The following RRM2 variants were observed in gnomAD, a reference collection of about 807,000 sequenced individuals.
The protein encoded by RRM2 is ribonucleoside-diphosphate reductase subunit M2.
RRM2 carries 6 observed loss-of-function variants against 45.9 expected under a neutral mutation model. The observed-to-expected ratio is 0.13, with a 90% CI of 0.07 to 0.26. RRM2 has a LOEUF of 0.26. Ranked by LOEUF, RRM2 falls within the 10% of genes least tolerant of loss-of-function variation. The probability of loss-of-function intolerance (pLI) is 1.00; values close to 1 mark genes in which losing one functional copy is unlikely to be tolerated. For synonymous variants in RRM2, 177 were observed against 173.0 expected, an observed-to-expected ratio of 1.02 and a Z score of -0.18; for missense variants, 343 against 489.5, an observed-to-expected ratio of 0.70 and a Z score of 2.82.
chr2:10,128,815 CT>C (rs1572489799), intron 7 of RRM2, 32 bp from the exon 8 acceptor site: 1 of 1,450,662 alleles, frequency 6.9e-7, no homozygotes, highest in East Asian at 2.3e-5. Flanking sequence ...CAGAAGTCTT[CT>C]GGCTTTAGTG....
intron 3 of RRM2, chr2:10,146,129 T>C (rs1444028215): frequency 1.3e-5 from 2 of 152,244 alleles, no homozygotes; most frequent in African/African-American, 4.8e-5. Context: ...CCTAGCCCCT[T>C]CTGGGAGGGA....
At chr2:10,124,130 CAG>C (rs1213590289) in intron 4 of RRM2, 112 of 315,142 alleles carry the variant, frequency 3.6e-4, no homozygotes, top group African/African-American at 8.0e-4. Flanking sequence ...TTTTTTGAGA[CAG>C]AGTCTCACTC....
chr2:10,182,740 C>T (rs182663725), intron 3 of RRM2, among the ~76,000 whole-genome samples: 2 of 152,308 alleles, frequency 1.3e-5, no homozygotes, highest in East Asian at 3.9e-4. Context: ...CAAATGGTTG[C>T]CAAGTCGCTC....
At chr2:10,199,790 A>AAAAAAC (rs1553329364) in intron 3 of RRM2, among the ~76,000 whole-genome samples, 1 of 71,814 alleles carries the variant, frequency 1.4e-5, no homozygotes, top group Non-Finnish European at 3.4e-5. Flanking sequence ...AAAAAAAAAA[A>AAAAAAC]AAAAAAAAAA....
intron 3 of RRM2, among the ~76,000 whole-genome samples, chr2:10,160,678 G>A (rs1024563127): frequency 6.6e-6 from 1 of 152,158 alleles, no homozygotes; most frequent in African/African-American, 2.4e-5. Flanking sequence ...ACCCCCGCCT[G>A]CCAGACCAGT....
intron 3 of RRM2, among the ~76,000 whole-genome samples, chr2:10,142,773 C>T (rs1470395388): frequency 1.3e-5 from 2 of 152,230 alleles, no homozygotes; most frequent in Non-Finnish European, 2.9e-5. Context: ...GCATGAGCCC[C>T]TCCCCTCACC....
chr2:10,175,775 T>TG (rs112835377), intron 3 of RRM2, among the ~76,000 whole-genome samples: 5 of 148,918 alleles, frequency 3.4e-5, no homozygotes, highest in Non-Finnish European at 6.0e-5. Flanking sequence ...TTTTTTTTTT[T>TG]GATATTTTTT....
rs983411685 is a variant in RRM2 at position 10,171,146 on chromosome 2, G to A, written n.482+28771G>A. ...GGGGCCTGCACAGACCCCAGGCATC[G>A]AGCCTGCGATGGGGCAACGTGTGGT... On this transcript the variant is annotated intron_variant and non_coding_transcript_variant, in intron 3 of 3. Transcript: ENST00000381786. The surrounding 1 kb of genome is among the most constrained non-coding windows in gnomAD (Gnocchi z 4.1). 6.6e-6 allele frequency among the ~76,000 whole-genome samples: 1 copy of A among 152,230 alleles called. No homozygotes were observed. The highest frequency in any genetic ancestry group is 2.4e-5 in the African/African-American group (1 of 41,462).
At chr2:10,174,066 G>A (rs1479850261) in intron 3 of RRM2, among the ~76,000 whole-genome samples, 4 of 152,158 alleles carry the variant, frequency 2.6e-5, no homozygotes, top group Non-Finnish European at 4.4e-5. Flanking sequence ...AAATGAGGTC[G>A]TATGGGCGGG....
chr2:10,197,127 A>C lies in RRM2; in HGVS notation n.483-13184A>C, dbSNP rs547232618. ...CCAGGCCCTAGGTCTGTACTCACAT[A>C]ACCCAGTCCTGCATTGTGCTGACTC... is the stretch of plus-strand genomic sequence containing the variant. On this transcript the variant is annotated intron_variant and non_coding_transcript_variant, in intron 3 of 3. Transcript: ENST00000381786. Among the ~76,000 whole-genome samples the C allele has an allele frequency of 5.9e-5, 9 of 152,218 alleles. No individual in the cohort carries two copies. In the South Asian group the frequency reaches 1.2e-3, roughly 21 times the overall value.
rs190586974 is a variant in RRM2 at position 10,148,956 on chromosome 2, T to C, written n.482+6581T>C. 4.5e-3 allele frequency among the ~76,000 whole-genome samples: 691 copies of C among 152,268 alleles called. 7 individuals are homozygous for C. Among genetic ancestry groups the C allele is most frequent in the South Asian group, 0.033 (159 of 4,816 alleles). The stretch of plus-strand genomic sequence containing the variant: ...CTCAGTCTTGTTCTCAGTGTCTTGA[T>C]TGTGTCTTGAGCAATATTTGATGCT... On this transcript the variant is annotated intron_variant and non_coding_transcript_variant, in intron 3 of 3. Transcript: ENST00000381786.
At chr2:10,174,014 C>T (rs1442175284) in intron 3 of RRM2, among the ~76,000 whole-genome samples, 7 of 152,164 alleles carry the variant, frequency 4.6e-5, no homozygotes, top group African/African-American at 1.4e-4. Context: ...AGGCCCAAAC[C>T]CCCAGTGTGG....
chr2:10,145,177 G>A (rs1053747359), intron 3 of RRM2, among the ~76,000 whole-genome samples: 1 of 152,202 alleles, frequency 6.6e-6, no homozygotes, highest in Non-Finnish European at 1.5e-5. Flanking sequence ...CAGTGGCTCA[G>A]TGTGGTTGGA....
At chr2:10,191,793 A>G (rs10173519) in intron 3 of RRM2, among the ~76,000 whole-genome samples, 25,879 of 152,116 alleles carry the variant, frequency 0.17, 2,893 homozygotes, top group East Asian at 0.44. Flanking sequence ...CCGCTATCTC[A>G]GACCTGGCGT....
At chr2:10,138,347 A>G (rs1328068476), upstream of RRM2, among the ~76,000 whole-genome samples, 4 of 152,044 alleles carry the variant, frequency 2.6e-5, no homozygotes, top group South Asian at 2.1e-4. Flanking sequence ...TTGTATTTTT[A>G]GTAGAGACGG....
At chr2:10,178,474 C>T (rs776371259) in intron 3 of RRM2, among the ~76,000 whole-genome samples, 13 of 143,494 alleles carry the variant, frequency 9.1e-5, no homozygotes, top group Non-Finnish European at 1.1e-4. Context: ...CCACCTGTCT[C>T]GGCCTCCCAA....
chr2:10,129,185 G>A lies in RRM2; in HGVS notation c.1017+31G>A. 6.2e-7 allele frequency: 1 copy of A among 1,613,992 alleles called. No individual in the cohort carries two copies. The highest frequency in any genetic ancestry group is 2.2e-5 in the East Asian group (1 of 44,878). On this transcript the variant is annotated intron_variant, in intron 9 of 9. Transcript: ENST00000304567. The surrounding 1 kb of genome is among the most constrained non-coding windows in gnomAD (Gnocchi z 4.8). ...GTATTGTTTACATAGCCTTTTGCTT[G>A]TTTTGAAGCTGGTGCTCTGTATTTA...
At chr2:10,143,546 C>T (rs1349848219) in intron 3 of RRM2, among the ~76,000 whole-genome samples, 3 of 152,320 alleles carry the variant, frequency 2.0e-5, no homozygotes, top group South Asian at 2.1e-4. Context: ...GTGAGTGACC[C>T]GCAGGGGAAG....
At chr2:10,165,005 C>T (rs1451737576) in intron 3 of RRM2, among the ~76,000 whole-genome samples, 1 of 152,230 alleles carries the variant, frequency 6.6e-6, no homozygotes, top group Non-Finnish European at 1.5e-5. Context: ...CTTTTGGTTT[C>T]CTTTTGCCCG....
Sources: allele counts gnomAD v4.1 joint callset (sites outside exome capture counted in the v4.1 genomes callset), GRCh38; gene constraint gnomAD v4.1.1; non-coding constraint Gnocchi (gnomAD v3.1); transcripts MANE v1.5; gene names NCBI Gene and HGNC (gene_info 2026-07-23, HGNC 2026-07-21).